Variants in ACYP1 observed in about 807,000 individuals in gnomAD.
ACYP1 encodes acylphosphatase-1.
In ACYP1, 8 loss-of-function variants were observed where a neutral mutation model predicts 10.4. The ratio of observed to expected loss-of-function variants is 0.77; its 90% CI spans 0.45 to 1.38. The LOEUF is 1.38. ACYP1 is among the 40% of genes most tolerant of loss of function. ACYP1 has a pLI of 0.00. For missense variants in ACYP1, 93 were observed against 117.3 expected (o/e 0.79, Z 0.96); for synonymous variants, 38 against 40.8 (o/e 0.93, Z 0.26).
chr14:75,067,668 C>CA (rs918739516), upstream of ACYP1, among the ~76,000 whole-genome samples: 3 of 152,054 alleles, frequency 2.0e-5, no homozygotes, highest in African/African-American at 7.2e-5. Context: ...ACCAAAGAGA[C>CA]AGAGTTTATG....
At chr14:75,058,927 C>T (rs980219157) in intron 2 of ACYP1, among the ~76,000 whole-genome samples, 5 of 151,972 alleles carry the variant, frequency 3.3e-5, no homozygotes, top group Non-Finnish European at 7.4e-5. Flanking sequence ...CGGCTGGGCG[C>T]GGTGGCTCAC....
chr14:75,068,998 A>T (rs1244978081), upstream of ACYP1, among the ~76,000 whole-genome samples: 1 of 152,192 alleles, frequency 6.6e-6, no homozygotes, highest in Non-Finnish European at 1.5e-5. Flanking sequence ...TCGATCTGGT[A>T]GTTAACTTTA....
chr14:75,068,534 G>A (rs1400569251), upstream of ACYP1, among the ~76,000 whole-genome samples: 1 of 151,748 alleles, frequency 6.6e-6, no homozygotes, highest in Non-Finnish European at 1.5e-5. Flanking sequence ...AGAGGAGAGA[G>A]GGAGAGGAGG....
At chr14:75,061,076 T>TCAA (rs75596450) in intron 2 of ACYP1, among the ~76,000 whole-genome samples, 70,611 of 150,094 alleles carry the variant, frequency 0.47, 17,140 homozygotes, top group Middle Eastern at 0.56. Context: ...AGACTCTGTC[T>TCAA]CAACAACAAC....
chr14:75,063,901 T>A (rs1893093476), intron 1 of ACYP1, 53 bp downstream of exon 1: 2 of 1,012,410 alleles, frequency 2.0e-6, no homozygotes, highest in Middle Eastern at 4.9e-4. Flanking sequence ...GCTACTAACA[T>A]TTTAGGGCTA....
chr14:75,053,318 C>G lies in ACYP1; in HGVS notation c.*126G>C, dbSNP rs1892784704. On this transcript the variant is annotated 3_prime_UTR_variant, in exon 3 of 3. Transcript: ENST00000238618. ...CCATCATACAGGTAATATATAATAA[C>G]ATTCAAAAATCTGACATTAAAATAA... 2.4e-6 allele frequency: 2 copies of G among 824,064 alleles called. No individual in the cohort carries two copies. Among genetic ancestry groups the G allele is most frequent in the South Asian group, 3.3e-5 (2 of 60,382 alleles). 51.0% of individuals were successfully genotyped at this position (824,064 alleles called of 1,614,324 possible). A position where few individuals can be genotyped will look rare whatever the true frequency, so the allele number is the denominator to read the frequency against.
chr14:75,064,154 G>T (rs1209252712), upstream of ACYP1: 2 of 481,228 alleles, frequency 4.2e-6, no homozygotes, highest in South Asian at 8.9e-5. Flanking sequence ...TTCAGGACGC[G>T]GTTGTCCGGC....
intron 2 of ACYP1, among the ~76,000 whole-genome samples, chr14:75,056,140 TA>T (rs1892871781): frequency 6.6e-6 from 1 of 151,064 alleles, no homozygotes. Flanking sequence ...TTCCCACAGA[TA>T]AAAAGCCCAG....
At chr14:75,069,087 A>C in intron 1 of ACYP1, 1 of 990,146 alleles carries the variant, frequency 1.0e-6, no homozygotes, top group Non-Finnish European at 1.4e-6. Context: ...AAACATTATA[A>C]TATCAAAATA....
intron 2 of ACYP1, among the ~76,000 whole-genome samples, chr14:75,059,216 C>T (rs1438115323): frequency 7.1e-6 from 1 of 140,786 alleles, no homozygotes; most frequent in Admixed American, 7.1e-5. Flanking sequence ...AAAACATAGG[C>T]ATGACAGCAG....
chr14:75,057,913 C>T (rs887712156), intron 2 of ACYP1, among the ~76,000 whole-genome samples: 7 of 121,282 alleles, frequency 5.8e-5, no homozygotes, highest in Middle Eastern at 6.4e-3. Context: ...TGCAGTGAGC[C>T]GAGATCGCAC....
chr14:75,056,884 A>C (rs951754904), intron 2 of ACYP1, among the ~76,000 whole-genome samples: 14 of 151,712 alleles, frequency 9.2e-5, no homozygotes, highest in African/African-American at 3.4e-4. Context: ...GATAAAGGGA[A>C]TCTGTGAAAA....
At chr14:75,060,004 T>G (rs1892978454) in intron 2 of ACYP1, 1 of 341,416 alleles carries the variant, frequency 2.9e-6, no homozygotes, top group East Asian at 4.4e-5. Context: ...GTTTCAGTTT[T>G]GCAAGATGAA....
In ACYP1 at chr14:75,053,569, C is replaced by G. The variant is rs1464130410; in HGVS notation, c.175G>C (p.Val59Leu). Residue 59 changes from valine (V) to leucine (L), a missense_variant, in exon 3 of 3, where the codon GTG (valine) becomes CTG (leucine). Physicochemically the swap from Val to Leu is conservative, Grantham distance 32. Transcript: ENST00000238618. ...QGQLQGPISK[V>L]RHMQEWLETR... is the part of the protein sequence containing the mutation. ...TCAAGCCATTCCTGCATATGACGCACCTTGGAGATGGGACCTTGCAATTGT... is the reference window on the plus strand; with the variant it reads ...TCAAGCCATTCCTGCATATGACGCAGCTTGGAGATGGGACCTTGCAATTGT... The G allele has an allele frequency of 6.2e-7, 1 of 1,614,134 alleles. No homozygotes were observed. The highest frequency in any genetic ancestry group is 1.7e-5 in the Admixed American group (1 of 60,010).
chr14:75,063,711 G>C, intron 1 of ACYP1, 150 bp from the exon 2 acceptor site: 1 of 727,862 alleles, frequency 1.4e-6, no homozygotes. Context: ...AACGTGAGTG[G>C]ATGTGATAAG....
Position 75,058,772 on chromosome 14 carries a change from A to G in ACYP1, c.84+4698T>C, listed in dbSNP as rs548282657. Among the ~76,000 whole-genome samples, 4 of 146,212 alleles carry G rather than the reference A, an allele frequency of 2.7e-5. No homozygotes were observed. In the East Asian group the frequency reaches 5.9e-4, roughly 22 times the overall value. On this transcript the variant is annotated intron_variant, in intron 2 of 2. Transcript: ENST00000238618. ...AATGTGGGAAATAATACTCACTTCA[A>G]CAAATGGTGCTGGGACAACTGGATA...
At chr14:75,065,597 G>C (rs954231533), upstream of ACYP1, among the ~76,000 whole-genome samples, 1 of 152,184 alleles carries the variant, frequency 6.6e-6, no homozygotes, top group Non-Finnish European at 1.5e-5. Context: ...AAAGATGAAT[G>C]ATATAAAATC....
intron 1 of ACYP1, 128 bp from the exon 2 acceptor site, chr14:75,063,689 C>T (rs1217032768): frequency 1.5e-5 from 12 of 778,824 alleles, no homozygotes; most frequent in Non-Finnish European, 2.1e-5. Context: ...ACTTCAAGGT[C>T]CTGGAAATGG....
intron 2 of ACYP1, among the ~76,000 whole-genome samples, chr14:75,058,608 G>A (rs550494535): frequency 5.3e-5 from 8 of 151,306 alleles, no homozygotes; most frequent in African/African-American, 2.0e-4. Flanking sequence ...CAACACTGGG[G>A]ATCAAATTTC....
Sources: gnomAD v4.1 joint callset for allele counts (sites outside exome capture counted in the v4.1 genomes callset) on GRCh38, gnomAD v4.1.1 for gene constraint, MANE v1.5 for transcripts, NCBI Gene and HGNC (gene_info 2026-07-23, HGNC 2026-07-21) for gene names.